The following ADK variants were observed in gnomAD, a reference collection of about 807,000 sequenced individuals.
ADK encodes N6,N6-dimethyladenosine kinase.
Under a neutral mutation model 44.7 loss-of-function variants are expected in ADK, and 24 were observed. The ratio of observed to expected loss-of-function variants is 0.54; its 90% confidence interval spans 0.39 to 0.76. ADK has a LOEUF of 0.76. ADK is among the 30% of genes least tolerant of loss of function. The pLI is 0.00. For synonymous variants in ADK, 128 were observed against 142.6 expected (o/e 0.90, Z 0.73); for missense variants, 321 against 425.1 (o/e 0.76, Z 2.15).
At chr10:74,645,315 T>C (rs1854015880) in intron 9 of ADK, among the ~76,000 whole-genome samples, 1 of 152,210 alleles carries the variant, frequency 6.6e-6, no homozygotes. Context: ...TGTTTGAGGT[T>C]CTCTAGTGTG....
At chr10:74,601,201 AC>A (rs1366698665) in intron 9 of ADK, among the ~76,000 whole-genome samples, 3 of 152,112 alleles carry the variant, frequency 2.0e-5, no homozygotes, top group Admixed American at 2.0e-4. Flanking sequence ...AAATATAAGT[AC>A]AAAGTAAAAT....
At chr10:74,499,285 A>G (rs140556755) in intron 6 of ADK, among the ~76,000 whole-genome samples, 5 of 152,302 alleles carry the variant, frequency 3.3e-5, no homozygotes, top group African/African-American at 9.6e-5. Flanking sequence ...AAACAGACTG[A>G]GCTTGCTGTT....
intron 3 of ADK, among the ~76,000 whole-genome samples, chr10:74,229,430 C>T (rs991353055): frequency 2.9e-5 from 4 of 139,638 alleles, no homozygotes; most frequent in Admixed American, 7.5e-5. Context: ...TGGAGTCTCG[C>T]TCTGTCGCCC....
chr10:74,499,414 C>T (rs940733976), intron 6 of ADK, among the ~76,000 whole-genome samples: 5 of 152,172 alleles, frequency 3.3e-5, no homozygotes, highest in African/African-American at 1.2e-4. Context: ...TTTGGCCGGG[C>T]ACAATGGCTC....
chr10:74,201,676 G>GTATGTATCTATCTATC (rs1375192485), intron 2 of ADK, among the ~76,000 whole-genome samples: 2 of 117,468 alleles, frequency 1.7e-5, no homozygotes, highest in African/African-American at 3.2e-5. Context: ...ATGTATGTAT[G>GTATGTATCTATCTATC]TATCTATCTA....
chr10:74,633,770 G>A (rs1853522124), intron 9 of ADK, among the ~76,000 whole-genome samples: 1 of 152,198 alleles, frequency 6.6e-6, no homozygotes, highest in African/African-American at 2.4e-5. Flanking sequence ...CTTGGAGGAG[G>A]AGAATGGCCT....
chr10:74,528,073 C>T, intron 7 of ADK: 1 of 1,002,232 alleles, frequency 1.0e-6, no homozygotes, highest in East Asian at 2.4e-5. Flanking sequence ...TGACGACGTC[C>T]TTCTGGAAGA....
intron 1 of ADK, among the ~76,000 whole-genome samples, chr10:74,185,842 G>GAAAA (rs71021593): frequency 1.7e-4 from 11 of 65,812 alleles, no homozygotes; most frequent in Admixed American, 4.0e-4. Context: ...GTCTCAAAAA[G>GAAAA]AAAAAAAAAA....
chr10:74,303,143 T>G (rs142573341), intron 3 of ADK, among the ~76,000 whole-genome samples: 6 of 152,322 alleles, frequency 3.9e-5, no homozygotes, highest in African/African-American at 1.4e-4. Context: ...TCAGAAGATA[T>G]GAAACACAAT....
At chr10:74,449,804 T>C (rs188804209) in intron 6 of ADK, among the ~76,000 whole-genome samples, 5 of 152,296 alleles carry the variant, frequency 3.3e-5, no homozygotes, top group Admixed American at 2.6e-4. Context: ...ACTGTGAGCT[T>C]TCTAAAAGCT....
At chr10:74,576,712 G>A (rs774679442) in intron 7 of ADK, among the ~76,000 whole-genome samples, 22 of 151,988 alleles carry the variant, frequency 1.4e-4, no homozygotes, top group Non-Finnish European at 2.9e-4. Context: ...TAGCCCAGTC[G>A]CTTTATAATG....
intron 2 of ADK, among the ~76,000 whole-genome samples, chr10:74,205,980 T>C (rs1354444207): frequency 6.6e-6 from 1 of 152,208 alleles, no homozygotes; most frequent in Non-Finnish European, 1.5e-5. Flanking sequence ...GTCAGTTATA[T>C]ATCAAAGGCT....
chr10:74,313,416 G>A (rs143440396), intron 3 of ADK, among the ~76,000 whole-genome samples: 1 of 151,898 alleles, frequency 6.6e-6, no homozygotes, highest in Non-Finnish European at 1.5e-5. Context: ...TTATTAACCT[G>A]ATAATTTGAG....
intron 2 of ADK, among the ~76,000 whole-genome samples, chr10:74,209,617 ATT>A (rs554643435): frequency 1.4e-5 from 2 of 145,434 alleles, no homozygotes; most frequent in Admixed American, 6.9e-5. Context: ...TCTGATTCTG[ATT>A]TTTTTTTTTT....
In ADK at chr10:74,661,879, T is replaced by C. The variant is rs960160676; in HGVS notation, c.878-8304T>C. On this transcript the variant is annotated intron_variant, in intron 9 of 10. Coordinates refer to ENST00000539909, the MANE Select transcript of ADK (RefSeq NM_006721.4). The stretch of plus-strand genomic sequence containing the variant: ...GCTAGGTTTCTCTTTCCATCTAGAT[T>C]CTAAGCTCCTTGAGAAGATAGATCA... Among the ~76,000 whole-genome samples, 7 of 152,216 alleles carry C rather than the reference T, an allele frequency of 4.6e-5. 1 individual carries two copies. The highest frequency in any genetic ancestry group is 6.3e-3 in the Middle Eastern group (2 of 316).
chr10:74,606,014 T>G (rs571193313), intron 9 of ADK, among the ~76,000 whole-genome samples: 18 of 152,350 alleles, frequency 1.2e-4, no homozygotes, highest in African/African-American at 4.3e-4. Context: ...TTCTAGATTT[T>G]CTAGTTTATT....
chr10:74,315,163 C>T (rs1050735587), intron 4 of ADK, among the ~76,000 whole-genome samples: 2 of 151,920 alleles, frequency 1.3e-5, no homozygotes, highest in African/African-American at 4.8e-5. Flanking sequence ...AAGTTTTTAA[C>T]GTAATTAAAC....
At chr10:74,270,925 A>C (rs1846408135) in intron 3 of ADK, among the ~76,000 whole-genome samples, 1 of 152,208 alleles carries the variant, frequency 6.6e-6, no homozygotes, top group South Asian at 2.1e-4. Context: ...TTTTTACGGC[A>C]TTTGTACATA....
chr10:74,250,887 T>C (rs1845627840), intron 3 of ADK, among the ~76,000 whole-genome samples: 1 of 152,160 alleles, frequency 6.6e-6, no homozygotes, highest in African/African-American at 2.4e-5. Flanking sequence ...TGTGCCACCA[T>C]GGCTGGCCAA....
Sources: gnomAD v4.1 joint callset for allele counts (sites outside exome capture counted in the v4.1 genomes callset) on GRCh38, gnomAD v4.1.1 for gene constraint, MANE v1.5 for transcripts, NCBI Gene and HGNC (gene_info 2026-07-23, HGNC 2026-07-21) for gene names.